Variants in ZNF536 observed in about 807,000 individuals in gnomAD.
ZNF536 encodes zinc finger protein 536.
In ZNF536, 13 loss-of-function variants were observed where a neutral mutation model predicts 84.5. The observed-to-expected ratio is 0.15, with a 90% CI of 0.10 to 0.24. ZNF536 has a LOEUF of 0.24. Ranked by LOEUF, ZNF536 falls within the 10% of genes least tolerant of loss-of-function variation. The probability of loss-of-function intolerance (pLI) is 1.00; values close to 1 mark genes in which losing one functional copy is unlikely to be tolerated. For synonymous variants in ZNF536, 811 were observed against 742.5 expected, an observed-to-expected ratio of 1.09 and a Z score of -1.50; for missense variants, 1,536 against 1,747.5, an observed-to-expected ratio of 0.88 and a Z score of 2.16.
chr19:30,237,365 T>C (rs978615694), intron 1 of ZNF536, among the ~76,000 whole-genome samples: 5 of 152,206 alleles, frequency 3.3e-5, no homozygotes, highest in Non-Finnish European at 5.9e-5. Flanking sequence ...GTGGAGGCCA[T>C]TGTGAAAGGG....
intron 1 of ZNF536, among the ~76,000 whole-genome samples, chr19:30,422,082 A>C (rs1036254281): frequency 6.6e-6 from 1 of 152,242 alleles, no homozygotes; most frequent in African/African-American, 2.4e-5. Context: ...ACAACTCTAT[A>C]GCAAAAAGCA....
intron 2 of ZNF536, among the ~76,000 whole-genome samples, chr19:30,465,674 T>G (rs2053354147): frequency 6.6e-6 from 1 of 152,210 alleles, no homozygotes. Flanking sequence ...GAGGATCACT[T>G]GAGCCCAGGA....
chr19:30,640,266 T>C (rs939769814), intron 1 of ZNF536, among the ~76,000 whole-genome samples: 10 of 151,836 alleles, frequency 6.6e-5, no homozygotes, highest in Non-Finnish European at 1.5e-5. Context: ...AAAAAAAAAA[T>C]TGGTTATATA....
In ZNF536 at chr19:30,614,942, ATTTTTT is replaced by A. The variant is rs555419932; in HGVS notation, c.169+65445_169+65450del. Among the ~76,000 whole-genome samples the A allele has an allele frequency of 2.4e-3, 76 of 32,312 alleles. 4 individuals carry two copies. Among genetic ancestry groups the A allele is most frequent in the Non-Finnish European group, 2.7e-3 (46 of 17,188 alleles). 21.2% of individuals were successfully genotyped at this position (32,312 alleles called of 152,430 possible). A position where few individuals can be genotyped will look rare whatever the true frequency, so the allele number is the denominator to read the frequency against. ...TTTTCTTTTATTCTCCCCCTTTTCA[ATTTTTT>A]TTTTTTTTTTTTTTTTGAGGCGGAG... On this transcript the variant is annotated intron_variant, in intron 1 of 1. Coordinates refer to the ZNF536 transcript ENST00000592773.
chr19:30,559,636 G>A (rs954795350), downstream of ZNF536, among the ~76,000 whole-genome samples: 13 of 152,206 alleles, frequency 8.5e-5, no homozygotes, highest in Non-Finnish European at 1.8e-4. Flanking sequence ...AGTCCTCCTG[G>A]GATGGGGCCC....
At chr19:30,400,114 T>C (rs2049987077) in intron 1 of ZNF536, among the ~76,000 whole-genome samples, 1 of 152,130 alleles carries the variant, frequency 6.6e-6, no homozygotes, top group Non-Finnish European at 1.5e-5. Flanking sequence ...ACAATTCATT[T>C]CACTATTCTC....
chr19:30,259,386 G>C (rs1407295849), intron 1 of ZNF536, among the ~76,000 whole-genome samples: 2 of 152,320 alleles, frequency 1.3e-5, no homozygotes, highest in African/African-American at 4.8e-5. Context: ...GTCCTGAGAT[G>C]AACTAGGACT....
At chr19:30,395,887 G>A (rs1435235054) in intron 1 of ZNF536, among the ~76,000 whole-genome samples, 4 of 152,076 alleles carry the variant, frequency 2.6e-5, no homozygotes, top group African/African-American at 9.7e-5. Flanking sequence ...AATTGAGTGG[G>A]AAGTACAAAG....
rs139951574 is a variant in ZNF536 at position 30,650,771 on chromosome 19, A to G, written c.170-59986A>G. 1.4e-4 allele frequency among the ~76,000 whole-genome samples: 21 copies of G among 152,332 alleles called. No homozygotes were observed. The East Asian group carries it at 4.1e-3, about 29-fold the overall frequency. ...TCCCAAGAATGTCAATCTCTGCTCA[A>G]TTTAGCGAGAAATCATGTTAAATGA... On this transcript the variant is annotated intron_variant, in intron 1 of 1. Coordinates refer to the ZNF536 transcript ENST00000592773.
intron 1 of ZNF536, among the ~76,000 whole-genome samples, chr19:30,237,124 C>G (rs1296577916): frequency 6.6e-6 from 1 of 151,818 alleles, no homozygotes; most frequent in African/African-American, 2.4e-5. Flanking sequence ...CTGTGTGGAT[C>G]TGGGGGACAG....
At chr19:30,526,902 C>A (rs985326154) in intron 2 of ZNF536, among the ~76,000 whole-genome samples, 6 of 151,920 alleles carry the variant, frequency 3.9e-5, no homozygotes, top group Non-Finnish European at 7.4e-5. Flanking sequence ...TATTTGAAAT[C>A]CTAGTGTCTT....
chr19:30,561,009 G>A (rs530155114), downstream of ZNF536, among the ~76,000 whole-genome samples: 21 of 152,314 alleles, frequency 1.4e-4, no homozygotes, highest in Middle Eastern at 0.01. Flanking sequence ...CTGGCTTCAC[G>A]AGGGGTTTGT....
intron 1 of ZNF536, among the ~76,000 whole-genome samples, chr19:30,248,689 T>C (rs1483744825): frequency 1.3e-5 from 2 of 152,160 alleles, no homozygotes; most frequent in African/African-American, 2.4e-5. Flanking sequence ...CTCTCATAAC[T>C]CCCTAATGGA....
chr19:30,547,434 AT>A (rs1169470057), intron 3 of ZNF536, among the ~76,000 whole-genome samples: 1 of 152,214 alleles, frequency 6.6e-6, no homozygotes, highest in African/African-American at 2.4e-5. Flanking sequence ...TGCTAATTAT[AT>A]CCATGATTTA....
intron 1 of ZNF536, among the ~76,000 whole-genome samples, chr19:30,643,660 G>A (rs533245337): frequency 3.3e-5 from 5 of 151,456 alleles, no homozygotes; most frequent in African/African-American, 7.3e-5. Context: ...ATTTCTGCAG[G>A]GGGGGGTTTT....
chr19:30,452,665 T>C (rs2052659505), intron 2 of ZNF536, among the ~76,000 whole-genome samples: 1 of 152,152 alleles, frequency 6.6e-6, no homozygotes, highest in East Asian at 1.9e-4. Flanking sequence ...AGTTAACTCC[T>C]TTACCCGTAG....
intron 1 of ZNF536, among the ~76,000 whole-genome samples, chr19:30,585,628 A>G (rs1484180695): frequency 6.6e-6 from 1 of 152,096 alleles, no homozygotes; most frequent in African/African-American, 2.4e-5. Context: ...CAAGCCTTTT[A>G]TGCATCTAGA....
At chr19:30,299,384 A>C (rs1423855394) in intron 2 of ZNF536, among the ~76,000 whole-genome samples, 2 of 152,190 alleles carry the variant, frequency 1.3e-5, no homozygotes, top group Non-Finnish European at 2.9e-5. Flanking sequence ...GGATAGCCAA[A>C]AATATTGTCC....
At chr19:30,430,047 G>C (rs1413777172) in intron 1 of ZNF536, among the ~76,000 whole-genome samples, 1 of 151,960 alleles carries the variant, frequency 6.6e-6, no homozygotes, top group African/African-American at 2.4e-5. Context: ...TGTGAAGGGT[G>C]GGGGAGGGGA....
Sources: allele counts gnomAD v4.1 joint callset (sites outside exome capture counted in the v4.1 genomes callset), GRCh38; gene constraint gnomAD v4.1.1; transcripts MANE v1.5; gene names NCBI Gene and HGNC (gene_info 2026-07-23, HGNC 2026-07-21).